The following GNB1 variants were observed in gnomAD, a reference collection of about 807,000 sequenced individuals.
The protein encoded by GNB1 is G protein subunit beta 1.
GNB1 carries 2 observed loss-of-function variants against 42.9 expected under a neutral mutation model. The ratio of observed to expected loss-of-function variants is 0.05; its 90% CI spans 0.02 to 0.15. The LOEUF (loss-of-function observed/expected upper bound fraction) is 0.15, where lower values mean the gene tolerates loss of function less well. Among genes scored for constraint, GNB1 ranks in the 10% least tolerant of loss-of-function variants. GNB1 has a pLI of 1.00. For synonymous variants in GNB1, 183 were observed against 174.7 expected, an observed-to-expected ratio of 1.05 and a Z score of -0.38; for missense variants, 193 against 462.2, an observed-to-expected ratio of 0.42 and a Z score of 5.34.
At chr1:1,862,471 A>ATTT (rs924130629) in intron 1 of GNB1, among the ~76,000 whole-genome samples, 1 of 145,958 alleles carries the variant, frequency 6.9e-6, no homozygotes, top group African/African-American at 2.5e-5. Context: ...ATTTTTATTA[A>ATTT]TTTTTTTTTT....
At chr1:1,838,373 C>T (rs1647179194) in intron 2 of GNB1, among the ~76,000 whole-genome samples, 1 of 152,118 alleles carries the variant, frequency 6.6e-6, no homozygotes, top group Admixed American at 6.6e-5. Flanking sequence ...TTCATTATTC[C>T]CACTTTATTC....
At chr1:1,850,702 A>T (rs1224129857) in intron 1 of GNB1, among the ~76,000 whole-genome samples, 2 of 152,064 alleles carry the variant, frequency 1.3e-5, no homozygotes, top group Non-Finnish European at 2.9e-5. Flanking sequence ...CAGTCATTTA[A>T]AGTCTCTGGC....
At chr1:1,866,006 T>TTG (rs1557939608) in intron 1 of GNB1, among the ~76,000 whole-genome samples, 3 of 152,098 alleles carry the variant, frequency 2.0e-5, no homozygotes, top group African/African-American at 7.2e-5. Flanking sequence ...TGGCGCAACG[T>TTG]TGGCTCACTG....
chr1:1,816,937 A>G (rs375497189), intron 4 of GNB1, among the ~76,000 whole-genome samples: 2 of 151,968 alleles, frequency 1.3e-5, no homozygotes, highest in South Asian at 4.2e-4. Context: ...CATTTTTTTA[A>G]TAAGGTGAAG....
At chr1:1,830,551 A>C (rs183719350) in intron 2 of GNB1, among the ~76,000 whole-genome samples, 2 of 152,006 alleles carry the variant, frequency 1.3e-5, no homozygotes, top group African/African-American at 4.8e-5. Context: ...GCCCAGCCTT[A>C]ATGTTACATT....
intron 5 of GNB1, among the ~76,000 whole-genome samples, chr1:1,809,259 C>T (rs1646744369): frequency 6.9e-6 from 1 of 144,906 alleles, no homozygotes; most frequent in Non-Finnish European, 1.5e-5. Flanking sequence ...GCTGCAACCT[C>T]TGCCTCCCAG....
At position 1,874,384 on chromosome 1, in the gene GNB1, G is replaced by A. The variant is rs536612392; in HGVS notation, c.-96+16436C>T. Among the ~76,000 whole-genome samples the A allele has an allele frequency of 1.6e-4, 24 of 151,930 alleles. No homozygotes were observed. In the South Asian group the frequency reaches 2.7e-3, roughly 17 times the overall value. On this transcript the variant is annotated intron_variant, in intron 1 of 11. Transcript: ENST00000378609. ...AGCACTTTGGGAGGCTGAGGCGGGCGGACTGCCTAAGCTCAGGAGTTGGAG... is the reference window on the plus strand; with the variant it reads ...AGCACTTTGGGAGGCTGAGGCGGGCAGACTGCCTAAGCTCAGGAGTTGGAG...
At position 1,815,830 on chromosome 1, in the gene GNB1, G is replaced by T; in HGVS notation, c.129C>A (p.Ile43=). 2 of 1,608,874 alleles carry T rather than the reference G, an allele frequency of 1.2e-6. No homozygotes were observed. Among genetic ancestry groups the T allele is most frequent in the African/African-American group, 1.3e-5 (1 of 74,942 alleles). ...ITNNIDPVGR[I]QMRTRRTLRG... is the part of the protein sequence containing the mutation. ...GCAGTGTCCTCCTCGTGCGCATTTGGATTCTTCCCACTGGGTCGATGTTGT... is the reference window on the plus strand; with the variant it reads ...GCAGTGTCCTCCTCGTGCGCATTTGTATTCTTCCCACTGGGTCGATGTTGT... Residue 43 remains isoleucine, a synonymous_variant, in exon 5 of 12, where the codon ATC becomes ATA. Transcript: ENST00000378609.
At chr1:1,868,953 G>C (rs1429412844) in intron 1 of GNB1, among the ~76,000 whole-genome samples, 6 of 151,618 alleles carry the variant, frequency 4.0e-5, no homozygotes, top group African/African-American at 1.5e-4. Flanking sequence ...GGGAGGCTGA[G>C]GTGGACGGAC....
At chr1:1,831,515 C>G (rs546954762) in intron 2 of GNB1, among the ~76,000 whole-genome samples, 1 of 152,142 alleles carries the variant, frequency 6.6e-6, no homozygotes, top group African/African-American at 2.4e-5. Flanking sequence ...ATGGCGCGAT[C>G]TCGGCTCACT....
chr1:1,807,084 A>G (rs1346542500), intron 5 of GNB1, among the ~76,000 whole-genome samples: 2 of 152,176 alleles, frequency 1.3e-5, no homozygotes, highest in South Asian at 4.1e-4. Flanking sequence ...CCTGGCCCCA[A>G]CCGAATGCAG....
chr1:1,810,168 C>A (rs1157054236), intron 5 of GNB1, among the ~76,000 whole-genome samples: 2 of 152,072 alleles, frequency 1.3e-5, no homozygotes, highest in African/African-American at 4.8e-5. Flanking sequence ...TGGGTTCATG[C>A]CATTCTCCTG....
chr1:1,803,240 C>T (rs1178410079), intron 7 of GNB1, among the ~76,000 whole-genome samples: 1 of 152,212 alleles, frequency 6.6e-6, no homozygotes, highest in Non-Finnish European at 1.5e-5. Context: ...ATTAGTGTCA[C>T]AAGTAAATAA....
At chr1:1,881,450 G>A (rs1649843684) in intron 1 of GNB1, among the ~76,000 whole-genome samples, 2 of 149,640 alleles carry the variant, frequency 1.3e-5, no homozygotes, top group Non-Finnish European at 3.0e-5. Flanking sequence ...GTCTCACACT[G>A]TCACCCAGGC....
At chr1:1,887,110 G>A (rs1039466523) in intron 1 of GNB1, among the ~76,000 whole-genome samples, 1 of 152,164 alleles carries the variant, frequency 6.6e-6, no homozygotes, top group Non-Finnish European at 1.5e-5. Flanking sequence ...ATATGGTCAA[G>A]CCAGATTTAA....
intron 1 of GNB1, among the ~76,000 whole-genome samples, chr1:1,855,458 T>C (rs1648230797): frequency 6.6e-6 from 1 of 152,028 alleles, no homozygotes; most frequent in South Asian, 2.1e-4. Flanking sequence ...TCCCAGCACT[T>C]TGGGAGGCCG....
chr1:1,790,642 G>C lies in GNB1; in HGVS notation c.498-46C>G. On this transcript the variant is annotated intron_variant, in intron 8 of 11. Transcript: ENST00000378609. This position sits in a 1 kb window ranked among gnomAD's most constrained non-coding sequence, Gnocchi z 5.4. ...AAGGGGACATCAGCCTTAACTTCTT[G>C]GGTGGCTAGTCATGTGACAGACAAT... is the stretch of plus-strand genomic sequence containing the variant. 7.4e-7 allele frequency: 1 copy of C among 1,350,936 alleles called. No individual in the cohort carries two copies. Among genetic ancestry groups the C allele is most frequent in the East Asian group, 2.3e-5 (1 of 42,838 alleles). The allele number at this position is 1,350,936 out of a possible 1,614,324, so 83.7% of individuals were successfully genotyped here.
At chr1:1,852,569 C>A (rs562423115) in intron 1 of GNB1, among the ~76,000 whole-genome samples, 1 of 151,930 alleles carries the variant, frequency 6.6e-6, no homozygotes, top group African/African-American at 2.4e-5. Flanking sequence ...GTGGTGCATA[C>A]CTGTAGTCCT....
At chr1:1,876,107 A>C (rs1160084223) in intron 1 of GNB1, among the ~76,000 whole-genome samples, 1 of 152,160 alleles carries the variant, frequency 6.6e-6, no homozygotes, top group Non-Finnish European at 1.5e-5. Context: ...GAGCCTTCAG[A>C]AGCACTGGGG....
Sources: allele counts gnomAD v4.1 joint callset (sites outside exome capture counted in the v4.1 genomes callset), GRCh38; gene constraint gnomAD v4.1.1; non-coding constraint Gnocchi (gnomAD v3.1); transcripts MANE v1.5; gene names NCBI Gene and HGNC (gene_info 2026-07-23, HGNC 2026-07-21).